The following SLC27A1 variants were observed in gnomAD, a reference collection of about 807,000 sequenced individuals.
SLC27A1 encodes long-chain fatty acid transport protein 1.
SLC27A1 carries 61 observed loss-of-function variants against 62.2 expected under a neutral mutation model. The observed-to-expected ratio is 0.98, with a 90% CI of 0.80 to 1.21. The LOEUF (loss-of-function observed/expected upper bound fraction) is 1.21. Ranked by LOEUF, SLC27A1 falls within the 50% of genes most tolerant of loss-of-function variation. SLC27A1 has a pLI of 0.00. For missense variants in SLC27A1, 903 were observed against 932.1 expected, an observed-to-expected ratio of 0.97 and a Z score of 0.41; for synonymous variants, 435 against 408.6, an observed-to-expected ratio of 1.06 and a Z score of -0.78.
chr19:17,471,185 G>T (rs1338945797), intron 1 of SLC27A1, among the ~76,000 whole-genome samples: 2 of 152,024 alleles, frequency 1.3e-5, no homozygotes. Flanking sequence ...CTGGGGGGTT[G>T]CCAAGACACT....
chr19:17,487,485 G>A lies in SLC27A1; in HGVS notation c.750G>A (p.Ser250=), dbSNP rs549071246. ...MDDRLFYIYT[S]GTTGLPKAAI... is the part of the protein sequence containing the mutation. ...ATCGTCTTTTCTACATCTACACGTC[G>A]GGGACCACCGGGCTGCCCAAGGCTG... is the stretch of plus-strand genomic sequence containing the variant. Residue 250 remains serine, a synonymous_variant, in exon 4 of 12, where the codon TCG becomes TCA. Coordinates refer to ENST00000252595, the MANE Select transcript of SLC27A1 (RefSeq NM_198580.3). 1.0e-5 allele frequency: 16 copies of A among 1,606,792 alleles called. No individual in the cohort carries two copies. The Admixed American group carries it at 2.5e-4, about 26-fold the overall frequency.
At chr19:17,496,723 G>GA (rs2075353445) in intron 6 of SLC27A1, 1 of 154,588 alleles carries the variant, frequency 6.5e-6, no homozygotes, top group South Asian at 1.8e-4. Flanking sequence ...GTGCGGGTAG[G>GA]GGGAGGAGGA....
At chr19:17,481,729 C>T (rs2075180482) in intron 1 of SLC27A1, among the ~76,000 whole-genome samples, 1 of 152,172 alleles carries the variant, frequency 6.6e-6, no homozygotes, top group African/African-American at 2.4e-5. Context: ...TCTCGAACTG[C>T]TGGGCTCAAG....
chr19:17,474,726 G>C (rs751611239), intron 1 of SLC27A1, among the ~76,000 whole-genome samples: 2 of 151,442 alleles, frequency 1.3e-5, no homozygotes, highest in African/African-American at 4.9e-5. Flanking sequence ...CGCCTCCCAG[G>C]TTCAAGTTAT....
At position 17,476,883 on chromosome 19, in the gene SLC27A1, G is replaced by GTTT. The variant is rs71162144; in HGVS notation, c.167+6197_167+6199dup. Among the ~76,000 whole-genome samples the GTTT allele has an allele frequency of 5.0e-3, 654 of 131,546 alleles. 9 individuals carry two copies. Among genetic ancestry groups the GTTT allele is most frequent in the Non-Finnish European group, 7.9e-3 (490 of 62,312 alleles). 86.3% of individuals were successfully genotyped at this position (131,546 alleles called of 152,430 possible). A position where few individuals can be genotyped will look rare whatever the true frequency, so the allele number is the denominator to read the frequency against. On this transcript the variant is annotated intron_variant, in intron 1 of 11. Coordinates refer to ENST00000252595, the MANE Select transcript of SLC27A1 (RefSeq NM_198580.3). Reference sequence around the variant, plus strand: ...TAATAAACACTGAGAATGATCATCTGTTTTTTTTTTTTTTTTTTTTTTTGA... The same window carrying GTTT: ...TAATAAACACTGAGAATGATCATCTGTTTTTTTTTTTTTTTTTTTTTTTTTTGA...
At position 17,497,173 on chromosome 19, in the gene SLC27A1, G is replaced by A. The variant is rs970477068; in HGVS notation, c.997-82G>A. 2.7e-6 allele frequency: 3 copies of A among 1,109,846 alleles called. No individual in the cohort carries two copies. In the Admixed American group the frequency reaches 8.3e-5, roughly 31 times the overall value. 68.7% of individuals were successfully genotyped at this position (1,109,846 alleles called of 1,614,324 possible). On this transcript the variant is annotated intron_variant, in intron 6 of 11. Transcript: ENST00000252595. Reference sequence around the variant, plus strand: ...CTCATAGGATTAGCTCCCTGGGTGGGGCGGTCTCGGGGTCTCTCCTCTGAT... The same window carrying A: ...CTCATAGGATTAGCTCCCTGGGTGGAGCGGTCTCGGGGTCTCTCCTCTGAT...
At chr19:17,489,464 C>T (rs1203930322) in intron 6 of SLC27A1, among the ~76,000 whole-genome samples, 1 of 149,194 alleles carries the variant, frequency 6.7e-6, no homozygotes, top group East Asian at 1.9e-4. Flanking sequence ...CAGAGCTAAA[C>T]CCTCCACGTG....
rs543364140 is a variant in SLC27A1, at chr19:17,479,995, G to A, written c.168-6568G>A. 3.9e-5 allele frequency among the ~76,000 whole-genome samples: 6 copies of A among 151,986 alleles called. No homozygotes were observed. The East Asian group carries it at 9.7e-4, about 25-fold the overall frequency. Reference sequence around the variant, plus strand: ...AATAGCACTGTCATTTCCCCCATTCGACTTTAAGATGCCAAATTTTTTATC... The same window carrying A: ...AATAGCACTGTCATTTCCCCCATTCAACTTTAAGATGCCAAATTTTTTATC... On this transcript the variant is annotated intron_variant, in intron 1 of 11. Transcript: ENST00000252595.
chr19:17,504,343 C>T, intron 11 of SLC27A1, 112 bp from the exon 12 acceptor site: 1 of 1,345,794 alleles, frequency 7.4e-7, no homozygotes, highest in East Asian at 2.3e-5. Flanking sequence ...AAGAACATTC[C>T]TGCCCAGGGG....
chr19:17,497,789 G>C (rs1568422645), intron 7 of SLC27A1: 3 of 363,344 alleles, frequency 8.3e-6, no homozygotes, highest in Non-Finnish European at 1.5e-5. Flanking sequence ...AGGAGAATAG[G>C]GCTCTGTGTA....
intron 1 of SLC27A1, among the ~76,000 whole-genome samples, chr19:17,480,877 C>T (rs939409931): frequency 5.3e-5 from 8 of 150,088 alleles, no homozygotes; most frequent in African/African-American, 1.5e-4. Flanking sequence ...TGCGTCCGTG[C>T]GTATTCAATG....
At position 17,470,702 on chromosome 19, in the gene SLC27A1, C is replaced by A; in HGVS notation, c.162C>A (p.Asp54Glu). 1.3e-6 allele frequency: 2 copies of A among 1,581,206 alleles called. No homozygotes were observed. Among genetic ancestry groups the A allele is most frequent in the Non-Finnish European group, 1.7e-6 (2 of 1,170,006 alleles). Residue 54 changes from aspartate to glutamate, a missense_variant, in exon 1 of 12, where the codon GAC becomes GAA. Coordinates refer to ENST00000252595, the MANE Select transcript of SLC27A1 (RefSeq NM_198580.3). ...LRIVCKTARR[D>E]LFGLSVLIRV... is the part of the protein sequence containing the mutation. The stretch of plus-strand genomic sequence containing the variant: ...TCGTCTGCAAGACCGCGAGGCGAGA[C>A]CTCTTGTGAGTGTTGCCGGGATCCG...
At chr19:17,488,782 C>G (rs2075263576) in intron 4 of SLC27A1, 66 bp from the exon 5 acceptor site, 2 of 1,435,954 alleles carry the variant, frequency 1.4e-6, no homozygotes, top group East Asian at 2.4e-5. Flanking sequence ...GCATGCTTCC[C>G]CATGCCTGTA....
intron 6 of SLC27A1, chr19:17,495,603 A>G (rs1372703554): frequency 6.6e-6 from 1 of 152,372 alleles, no homozygotes; most frequent in Non-Finnish European, 1.5e-5. Context: ...TAAGCCAGTC[A>G]TATTGGCTGA....
At chr19:17,495,259 G>A (rs935405860) in intron 6 of SLC27A1, among the ~76,000 whole-genome samples, 1 of 149,428 alleles carries the variant, frequency 6.7e-6, no homozygotes, top group African/African-American at 2.5e-5. Flanking sequence ...ACAGGCATGA[G>A]CCACCGCGCC....
At position 17,500,481 on chromosome 19, in the gene SLC27A1, G is replaced by A. The variant is rs2075398205; in HGVS notation, c.1334-14G>A. 6.2e-7 allele frequency: 1 copy of A among 1,613,176 alleles called. No homozygotes were observed. Among genetic ancestry groups the A allele is most frequent in the African/African-American group, 1.3e-5 (1 of 74,926 alleles). On this transcript the variant is annotated splice_polypyrimidine_tract_variant and intron_variant, in intron 8 of 11. Transcript: ENST00000252595. ...TGCCTGCCTAGCGCAGCCTGAACAT[G>A]GCCTTCTCCCTAGGGGAGCCTGGCC... is the stretch of plus-strand genomic sequence containing the variant.
chr19:17,474,687 A>G (rs2075105953), intron 1 of SLC27A1, among the ~76,000 whole-genome samples: 1 of 147,728 alleles, frequency 6.8e-6, no homozygotes, highest in African/African-American at 2.5e-5. Context: ...CTGGAGTGCA[A>G]TGGCGCGATC....
intron 6 of SLC27A1, chr19:17,496,382 A>G (rs1366684759): frequency 1.4e-5 from 2 of 142,832 alleles, no homozygotes; most frequent in Admixed American, 1.4e-4. Context: ...TGACCCCAGG[A>G]AGCTCTTGCG....
chr19:17,473,348 T>C (rs1336210671), intron 1 of SLC27A1, among the ~76,000 whole-genome samples: 1 of 152,336 alleles, frequency 6.6e-6, no homozygotes, highest in Non-Finnish European at 1.5e-5. Context: ...CAGCAAGGTC[T>C]GAGATACCAA....
Sources: allele counts gnomAD v4.1 joint callset (sites outside exome capture counted in the v4.1 genomes callset), GRCh38; gene constraint gnomAD v4.1.1; transcripts MANE v1.5; gene names NCBI Gene and HGNC (gene_info 2026-07-23, HGNC 2026-07-21).